The following DPP6 variants were observed in gnomAD, a reference collection of about 807,000 sequenced individuals.
The protein encoded by DPP6 is dipeptidyl peptidase like 6.
In DPP6, 69 loss-of-function variants were observed where a neutral mutation model predicts 122.6. The observed-to-expected ratio is 0.56, with a 90% CI of 0.46 to 0.69. DPP6 has a LOEUF of 0.69. Ranked by LOEUF, DPP6 falls within the 30% of genes least tolerant of loss-of-function variation. The pLI is 0.00. For synonymous variants in DPP6, 418 were observed against 433.1 expected (o/e 0.97, Z 0.43); for missense variants, 928 against 1,116.9 (o/e 0.83, Z 2.41).
At chr7:154,280,989 T>TTATC (rs1804467790) in intron 1 of DPP6, among the ~76,000 whole-genome samples, 1 of 55,008 alleles carries the variant, frequency 1.8e-5, no homozygotes, top group African/African-American at 3.6e-5. Context: ...CTTATTTTAT[T>TTATC]TATTTATTTA....
At chr7:154,744,854 G>C (rs1563162346) in intron 8 of DPP6, among the ~76,000 whole-genome samples, 3 of 152,274 alleles carry the variant, frequency 2.0e-5, no homozygotes, top group Middle Eastern at 3.4e-3. Context: ...ACAGCAGTAG[G>C]GGTCCAGGGA....
intron 1 of DPP6, among the ~76,000 whole-genome samples, chr7:154,017,315 C>T (rs565918930): frequency 6.6e-6 from 1 of 152,164 alleles, no homozygotes; most frequent in African/African-American, 2.4e-5. Flanking sequence ...GTGATTGTCC[C>T]TCCTCGACCT....
intron 1 of DPP6, among the ~76,000 whole-genome samples, chr7:154,315,177 G>A (rs1733780562): frequency 6.6e-6 from 1 of 152,226 alleles, no homozygotes; most frequent in South Asian, 2.1e-4. Flanking sequence ...GAAGTATGCA[G>A]TAGTTAATTT....
In DPP6 at chr7:154,880,891, G is replaced by A. The variant is rs183375220; in HGVS notation, c.2082G>A (p.Thr694=). 2.5e-4 allele frequency: 396 copies of A among 1,613,978 alleles called. 3 individuals are homozygous for A. In the East Asian group the frequency reaches 6.8e-3, roughly 28 times the overall value. Residue 694 remains threonine (T), a synonymous_variant, in exon 21 of 26, where the codon ACG becomes ACA. Transcript: ENST00000377770. ...EEKDQMEAVR[T]MLKEQYIDRT... ...TTTCCCCTCCTCGACCTCACAGGACGATGCTGAAGGAGCAGTACATTGACA... is the reference window on the plus strand; with the variant it reads ...TTTCCCCTCCTCGACCTCACAGGACAATGCTGAAGGAGCAGTACATTGACA...
chr7:154,150,416 C>T (rs1204134025), intron 1 of DPP6, among the ~76,000 whole-genome samples: 1 of 152,168 alleles, frequency 6.6e-6, no homozygotes, highest in African/African-American at 2.4e-5. Context: ...AATACCAGGG[C>T]TCCGTGGAGA....
intron 1 of DPP6, among the ~76,000 whole-genome samples, chr7:154,223,960 A>T (rs10952467): frequency 6.8e-6 from 1 of 147,512 alleles, no homozygotes; most frequent in Non-Finnish European, 1.5e-5. Context: ...GGACACACAC[A>T]CTGTCACTGG....
intron 1 of DPP6, among the ~76,000 whole-genome samples, chr7:153,979,493 CAG>C (rs1261135035): frequency 6.6e-6 from 1 of 152,154 alleles, no homozygotes; most frequent in African/African-American, 2.4e-5. Flanking sequence ...CATCTGCAAA[CAG>C]ATAATTTGAC....
intron 3 of DPP6, among the ~76,000 whole-genome samples, chr7:154,519,057 C>T (rs1176736233): frequency 6.6e-6 from 1 of 152,190 alleles, no homozygotes; most frequent in Non-Finnish European, 1.5e-5. Context: ...GATACCTCCA[C>T]CCACTCGGAG....
At chr7:154,440,675 G>T (rs1301198220) in intron 1 of DPP6, among the ~76,000 whole-genome samples, 1 of 152,186 alleles carries the variant, frequency 6.6e-6, no homozygotes, top group Non-Finnish European at 1.5e-5. Context: ...ATATACTTCT[G>T]CAGGCTGCCT....
chr7:153,988,602 A>G (rs1045008557), intron 1 of DPP6, among the ~76,000 whole-genome samples: 3 of 152,224 alleles, frequency 2.0e-5, no homozygotes, highest in Non-Finnish European at 2.9e-5. Flanking sequence ...CAAGGAGGGC[A>G]TCGGGGGATG....
upstream of DPP6, among the ~76,000 whole-genome samples, chr7:154,051,441 G>A (rs368539833): frequency 1.4e-4 from 21 of 151,260 alleles, no homozygotes; most frequent in African/African-American, 5.1e-4. Context: ...GGGAGGACGC[G>A]GGAGGGCCGG....
At chr7:153,964,259 G>T (rs1370908464) in intron 1 of DPP6, among the ~76,000 whole-genome samples, 4 of 152,148 alleles carry the variant, frequency 2.6e-5, no homozygotes, top group Non-Finnish European at 5.9e-5. Flanking sequence ...GCCTCCCAAA[G>T]TGCTGAGATT....
chr7:154,412,221 G>A (rs1414523006), intron 1 of DPP6, among the ~76,000 whole-genome samples: 5 of 152,106 alleles, frequency 3.3e-5, no homozygotes, highest in Non-Finnish European at 7.3e-5. Context: ...ATTTTGACAC[G>A]TGGGAAACAA....
intron 1 of DPP6, among the ~76,000 whole-genome samples, chr7:154,083,173 T>A (rs1472501660): frequency 2.0e-5 from 3 of 151,910 alleles, no homozygotes; most frequent in Non-Finnish European, 4.4e-5. Flanking sequence ...AACTGACTAG[T>A]TGGATTAGTG....
intron 10 of DPP6, among the ~76,000 whole-genome samples, chr7:154,786,759 C>A (rs1563209332): frequency 6.6e-6 from 1 of 152,148 alleles, no homozygotes; most frequent in Non-Finnish European, 1.5e-5. Context: ...TTTCCAAAAG[C>A]TTTTTGAATT....
chr7:154,385,209 T>G (rs1034608205), intron 1 of DPP6, among the ~76,000 whole-genome samples: 1 of 152,176 alleles, frequency 6.6e-6, no homozygotes, highest in Admixed American at 6.5e-5. Flanking sequence ...GACCTCATGA[T>G]CCGCCCGCCT....
intron 5 of DPP6, among the ~76,000 whole-genome samples, chr7:154,611,868 TG>T (rs1467731048): frequency 1.3e-5 from 2 of 152,092 alleles, no homozygotes; most frequent in Non-Finnish European, 2.9e-5. Context: ...TGTGTGTGTG[TG>T]TGTGTGTGTG....
intron 1 of DPP6, among the ~76,000 whole-genome samples, chr7:154,158,538 G>T (rs1252981478): frequency 6.6e-6 from 1 of 151,648 alleles, no homozygotes; most frequent in Non-Finnish European, 1.5e-5. Context: ...CGAAGAAACA[G>T]ATTTTGTTCT....
intron 3 of DPP6, among the ~76,000 whole-genome samples, chr7:154,515,437 A>G (rs1197479884): frequency 3.9e-5 from 6 of 152,044 alleles, no homozygotes; most frequent in African/African-American, 1.2e-4. Context: ...GACATTGGGC[A>G]TTTACTGTTT....
Sources: gnomAD v4.1 joint callset for allele counts (sites outside exome capture counted in the v4.1 genomes callset) on GRCh38, gnomAD v4.1.1 for gene constraint, MANE v1.5 for transcripts, NCBI Gene and HGNC (gene_info 2026-07-23, HGNC 2026-07-21) for gene names.